Variants in UBE2J2 observed in about 807,000 individuals in gnomAD.
UBE2J2 encodes the protein ubiquitin-conjugating enzyme E2 J2.
UBE2J2 carries 5 observed loss-of-function variants against 28.6 expected under a neutral mutation model. The ratio of observed to expected loss-of-function variants is 0.17; its 90% CI spans 0.09 to 0.37. The LOEUF is 0.37. UBE2J2 is among the 10% of genes least tolerant of loss of function. UBE2J2 has a pLI of 1.00. For missense variants in UBE2J2, 226 were observed against 338.9 expected, an observed-to-expected ratio of 0.67 and a Z score of 2.62; for synonymous variants, 138 against 139.7, an observed-to-expected ratio of 0.99 and a Z score of 0.09.
At chr1:1,267,839 C>T (rs748280573) in intron 2 of UBE2J2, 23 bp downstream of exon 2, 26 of 1,612,316 alleles carry the variant, frequency 1.6e-5, no homozygotes, top group South Asian at 6.6e-5. Context: ...CAGCGCAGGG[C>T]GATCAGTGGC....
chr1:1,255,129 T>C lies in UBE2J2; in HGVS notation c.*74A>G, dbSNP rs539982102. 12 of 1,444,116 alleles carry C rather than the reference T, an allele frequency of 8.3e-6. No homozygotes were observed. Among genetic ancestry groups the C allele is most frequent in the Non-Finnish European group, 1.1e-5 (12 of 1,076,274 alleles). 89.5% of individuals were successfully genotyped at this position (1,444,116 alleles called of 1,614,324 possible). Reference sequence around the variant, plus strand: ...TGGTGGGTCTGCCTGTGCTGGGCAGTGTGTCCAGCCTGCCGAGGTCACGCT... The same window carrying C: ...TGGTGGGTCTGCCTGTGCTGGGCAGCGTGTCCAGCCTGCCGAGGTCACGCT... On this transcript the variant is annotated 3_prime_UTR_variant, in exon 7 of 7. Transcript: ENST00000349431.
At position 1,271,974 on chromosome 1, in the gene UBE2J2, C is replaced by CAAAA. The variant is rs60924258; in HGVS notation, c.-1+1688_-1+1691dup. 7.6e-3 allele frequency among the ~76,000 whole-genome samples: 210 copies of CAAAA among 27,590 alleles called. 19 individuals carry two copies. The highest frequency in any genetic ancestry group is 0.02 in the East Asian group (10 of 506). The allele number at this position is 27,590 out of a possible 152,430, so 18.1% of individuals were successfully genotyped here. On this transcript the variant is annotated intron_variant, in intron 1 of 6. Transcript: ENST00000349431. ...GGGCAACAAGAGCGAAACTCCGTCT[C>CAAAA]AAAAAAAAAAAAAAAAAAAAAAAAA...
Position 1,255,044 on chromosome 1 carries a change from A to G in UBE2J2, c.*159T>C, listed in dbSNP as rs1639089245. The G allele has an allele frequency of 1.3e-6, 1 of 752,814 alleles. No individual in the cohort carries two copies. Among genetic ancestry groups the G allele is most frequent in the African/African-American group, 1.8e-5 (1 of 56,476 alleles). 46.6% of individuals were successfully genotyped at this position (752,814 alleles called of 1,614,324 possible). ...GAGGCTCCAGTCTCCTCCAAAGCCCAGTCACACATTTTGGTTTTTGCTTCC... is the reference window on the plus strand; with the variant it reads ...GAGGCTCCAGTCTCCTCCAAAGCCCGGTCACACATTTTGGTTTTTGCTTCC... On this transcript the variant is annotated 3_prime_UTR_variant, in exon 7 of 7. Transcript: ENST00000349431.
Position 1,269,502 on chromosome 1 carries a change from C to G in UBE2J2, c.1-1510G>C, listed in dbSNP as rs548867317. ...GAGATAGAATCTCACTGTTCGTTGC[C>G]CAGGTTGGAGTGCAGTGGTGTGATC... On this transcript the variant is annotated intron_variant, in intron 1 of 6. Coordinates refer to ENST00000349431, the MANE Select transcript of UBE2J2 (RefSeq NM_058167.3). Among the ~76,000 whole-genome samples, 30 of 151,794 alleles carry G rather than the reference C, an allele frequency of 2.0e-4. 1 individual carries two copies. The South Asian group carries it at 2.1e-3, about 11-fold the overall frequency.
At chr1:1,259,620 G>T (rs571047673) in intron 3 of UBE2J2, among the ~76,000 whole-genome samples, 15 of 152,290 alleles carry the variant, frequency 9.8e-5, no homozygotes, top group African/African-American at 3.6e-4. Flanking sequence ...CAGAAGCGGG[G>T]CTGCCACCCG....
chr1:1,262,018 C>T (rs143812594), intron 3 of UBE2J2, among the ~76,000 whole-genome samples: 1,571 of 152,216 alleles, frequency 0.01, 17 homozygotes, highest in African/African-American at 0.015. Flanking sequence ...CTACCACACC[C>T]GGCTAATTTT....
chr1:1,263,476 G>A, intron 2 of UBE2J2, 90 bp from the exon 3 acceptor site: 3 of 1,154,946 alleles, frequency 2.6e-6, no homozygotes, highest in South Asian at 1.2e-5. Context: ...ATAGAACCCA[G>A]CCAAAATTAC....
intron 2 of UBE2J2, among the ~76,000 whole-genome samples, chr1:1,266,881 A>G (rs1639900183): frequency 6.6e-6 from 1 of 151,334 alleles, no homozygotes; most frequent in Non-Finnish European, 1.5e-5. Flanking sequence ...ACATCCTTAC[A>G]TTTTATTTTA....
chr1:1,257,401 C>T (rs542745757), intron 3 of UBE2J2, 91 bp from the exon 4 acceptor site: 14 of 597,286 alleles, frequency 2.3e-5, no homozygotes, highest in Non-Finnish European at 3.1e-5. Context: ...CCACCCCCCC[C>T]CCCCCCCTCA....
At chr1:1,262,903 C>T in intron 3 of UBE2J2, 1 of 179,198 alleles carries the variant, frequency 5.6e-6, no homozygotes, top group Non-Finnish European at 1.2e-5. Context: ...GCCCCAGGTG[C>T]CACCACACAG....
Position 1,256,051 on chromosome 1 carries a change from G to T in UBE2J2, c.489C>A (p.Val163=). 6.2e-7 allele frequency: 1 copy of T among 1,610,318 alleles called. No individual in the cohort carries two copies. Among genetic ancestry groups the T allele is most frequent in the South Asian group, 1.1e-5 (1 of 90,892 alleles). The part of the protein sequence containing the change: ...DKVFCELFPE[V]VEEIKQKQKA... ...CCACTTCCGTCTTTCTTACCTCCAC[G>T]ACTTCAGGAAATAATTCACAAAAGA... The change falls in exon 6 of 7, where the codon GTC becomes GTA. Residue 163 remains valine, a synonymous_variant. Transcript: ENST00000349431.
chr1:1,261,105 A>C (rs1294516255), intron 3 of UBE2J2, among the ~76,000 whole-genome samples: 1 of 152,256 alleles, frequency 6.6e-6, no homozygotes, highest in Non-Finnish European at 1.5e-5. Flanking sequence ...CCAGAGGCTA[A>C]GAAACTGAGG....
chr1:1,266,690 G>A (rs1436235934), intron 2 of UBE2J2, among the ~76,000 whole-genome samples: 2 of 151,910 alleles, frequency 1.3e-5, no homozygotes, highest in Non-Finnish European at 2.9e-5. Flanking sequence ...AGCCGGGCAT[G>A]GTGGCAGGCG....
At chr1:1,258,849 C>T (rs949278980) in intron 3 of UBE2J2, among the ~76,000 whole-genome samples, 10 of 152,260 alleles carry the variant, frequency 6.6e-5, no homozygotes, top group Admixed American at 1.3e-4. Context: ...ATGGCAGCCC[C>T]GCCCCAGCCC....
chr1:1,255,477 T>C lies in UBE2J2; in HGVS notation c.506A>G (p.Gln169Arg), dbSNP rs774534831. Residue 169 changes from glutamine (Q) to arginine (R), a missense_variant, in exon 7 of 7, where the codon CAA becomes CGA. Gln to Arg is a conservative substitution (Grantham distance 43, BLOSUM62 1). Coordinates refer to ENST00000349431, the MANE Select transcript of UBE2J2 (RefSeq NM_058167.3). ...LFPEVVEEIKQKQKAQDELSS... is the reference protein window; with the variant it reads ...LFPEVVEEIKRKQKAQDELSS... ...GAGTTCGTCTTGTGCTTTCTGTTTT[T>C]GTTTAATCTCCTAAGAGAAAAACAG... The C allele has an allele frequency of 6.2e-6, 10 of 1,608,698 alleles. No individual in the cohort carries two copies. The highest frequency in any genetic ancestry group is 1.3e-5 in the African/African-American group (1 of 74,926).
At chr1:1,256,840 T>G in intron 5 of UBE2J2, 152 bp downstream of exon 5, 1 of 677,970 alleles carries the variant, frequency 1.5e-6, no homozygotes, top group Non-Finnish European at 2.1e-6. Context: ...TGAGCCGAGA[T>G]TGCGCCACTG....
intron 5 of UBE2J2, 56 bp from the exon 6 acceptor site, chr1:1,256,181 T>C: frequency 2.3e-6 from 3 of 1,317,540 alleles, no homozygotes; most frequent in Non-Finnish European, 3.3e-6. Flanking sequence ...CTTTCAAGAT[T>C]CTAAAAACAG....
At chr1:1,267,597 G>T in intron 2 of UBE2J2, 1 of 791,834 alleles carries the variant, frequency 1.3e-6, no homozygotes, top group Non-Finnish European at 1.8e-6. Context: ...CCTGGACCCC[G>T]CCCCCCTCAA....
At position 1,273,803 on chromosome 1, in the gene UBE2J2, GCGC is replaced by G. The variant is rs3831194; in HGVS notation, c.-141_-139del. 6.5e-5 allele frequency: 10 copies of G among 153,474 alleles called. No individual in the cohort carries two copies. Among genetic ancestry groups the G allele is most frequent in the South Asian group, 1.8e-4 (1 of 5,670 alleles). 9.5% of individuals were successfully genotyped at this position (153,474 alleles called of 1,614,324 possible). A position where few individuals can be genotyped will look rare whatever the true frequency, so the allele number is the denominator to read the frequency against. On this transcript the variant is annotated 5_prime_UTR_variant, in exon 1 of 7. Transcript: ENST00000349431. The stretch of plus-strand genomic sequence containing the variant: ...GATTGGGCCCACCGAACCCGCCGCA[GCGC>G]CGCCGCCGCCGCCTCAGCCTCCAAG...
Sources: allele counts gnomAD v4.1 joint callset (sites outside exome capture counted in the v4.1 genomes callset), GRCh38; gene constraint gnomAD v4.1.1; transcripts MANE v1.5; gene names NCBI Gene and HGNC (gene_info 2026-07-23, HGNC 2026-07-21).